Variants in HERPUD2 observed in about 807,000 individuals in gnomAD.
HERPUD2 encodes homocysteine-responsive endoplasmic reticulum-resident ubiquitin-like domain member 2 protein.
HERPUD2 carries 13 observed loss-of-function variants against 49.9 expected under a neutral mutation model. That is an observed-to-expected ratio of 0.26 (90% CI 0.17 to 0.41). The LOEUF (loss-of-function observed/expected upper bound fraction) is 0.41. Among genes scored for constraint, HERPUD2 ranks in the 10% least tolerant of loss-of-function variants. The pLI is 1.00. For missense variants in HERPUD2, 449 were observed against 492.2 expected, an observed-to-expected ratio of 0.91 and a Z score of 0.83; for synonymous variants, 172 against 171.4, an observed-to-expected ratio of 1.00 and a Z score of -0.03.
chr7:35,648,904 T>C (rs575611112), intron 5 of HERPUD2, among the ~76,000 whole-genome samples: 5 of 152,304 alleles, frequency 3.3e-5, no homozygotes, highest in Admixed American at 3.3e-4. Context: ...CATCAATATA[T>C]GTGTGAACAA....
At chr7:35,637,980 A>G (rs1024529766) in intron 6 of HERPUD2, among the ~76,000 whole-genome samples, 2 of 152,232 alleles carry the variant, frequency 1.3e-5, no homozygotes, top group African/African-American at 4.8e-5. Flanking sequence ...GAGTCAAGTA[A>G]GCATATTAGC....
chr7:35,671,730 A>G (rs1785648511), intron 3 of HERPUD2, among the ~76,000 whole-genome samples: 1 of 152,078 alleles, frequency 6.6e-6, no homozygotes, highest in African/African-American at 2.4e-5. Context: ...AAAATGTTTT[A>G]TATAGGGGCA....
intron 2 of HERPUD2, among the ~76,000 whole-genome samples, chr7:35,687,857 T>C (rs1786099172): frequency 6.6e-6 from 1 of 152,250 alleles, no homozygotes; most frequent in African/African-American, 2.4e-5. Context: ...ACCTAGTTAG[T>C]ATCAAATGAT....
In HERPUD2 at chr7:35,650,264, C is replaced by T. The variant is rs374941436; in HGVS notation, c.495-11792G>A. On this transcript the variant is annotated intron_variant, in intron 5 of 8. Transcript: ENST00000311350. ...GGCAAAGAAGGAGAGGGAAGCAAGG[C>T]AGCCTGCTGCACTGGATGGGCTGGG... 5.6e-4 allele frequency among the ~76,000 whole-genome samples: 86 copies of T among 152,222 alleles called. 3 individuals are homozygous for T. The South Asian group carries it at 0.017, about 31-fold the overall frequency.
chr7:35,682,337 G>T lies in HERPUD2; in HGVS notation c.148-9059C>A, dbSNP rs1260423341. On this transcript the variant is annotated intron_variant, in intron 2 of 8. Transcript: ENST00000311350. ...TATACACATACACACGTGTGTGTGT[G>T]TGTGTGTGTGTGTGTGTGTGTATAT... 1.8e-4 allele frequency among the ~76,000 whole-genome samples: 4 copies of T among 21,872 alleles called. No homozygotes were observed. The East Asian group carries it at 4.5e-3, about 24-fold the overall frequency. 14.3% of individuals were successfully genotyped at this position (21,872 alleles called of 152,430 possible).
chr7:35,647,084 G>A (rs890697593), intron 5 of HERPUD2, among the ~76,000 whole-genome samples: 2 of 152,108 alleles, frequency 1.3e-5, no homozygotes, highest in African/African-American at 4.8e-5. Context: ...CAGAGGAGAA[G>A]AGATTAAAGG....
At chr7:35,655,155 G>A (rs1562674363) in intron 5 of HERPUD2, among the ~76,000 whole-genome samples, 2 of 152,086 alleles carry the variant, frequency 1.3e-5, no homozygotes, top group Non-Finnish European at 2.9e-5. Flanking sequence ...GCCCAGCCTT[G>A]ACCAATCTTA....
intron 5 of HERPUD2, among the ~76,000 whole-genome samples, chr7:35,657,214 T>A (rs932645974): frequency 6.6e-6 from 1 of 152,046 alleles, no homozygotes; most frequent in Non-Finnish European, 1.5e-5. Context: ...CATGAATAGC[T>A]ATTTCTCAAG....
chr7:35,646,354 G>A (rs1356719795), intron 5 of HERPUD2, among the ~76,000 whole-genome samples: 1 of 152,002 alleles, frequency 6.6e-6, no homozygotes, highest in Non-Finnish European at 1.5e-5. Context: ...TTGAAGCCAG[G>A]AGTTTGAGAC....
At chr7:35,640,872 G>A (rs1784958445) in intron 5 of HERPUD2, among the ~76,000 whole-genome samples, 2 of 152,244 alleles carry the variant, frequency 1.3e-5, no homozygotes, top group South Asian at 4.1e-4. Context: ...TGGGGAAAAG[G>A]AGTTTAAAAG....
At chr7:35,660,604 T>C (rs140623793) in intron 5 of HERPUD2, among the ~76,000 whole-genome samples, 4,428 of 152,328 alleles carry the variant, frequency 0.029, 192 homozygotes, top group African/African-American at 0.098. Flanking sequence ...GTTGTGGTTT[T>C]GATTTGCATT....
chr7:35,686,106 T>A (rs2116037493), intron 2 of HERPUD2, among the ~76,000 whole-genome samples: 1 of 152,278 alleles, frequency 6.6e-6, no homozygotes, highest in South Asian at 2.1e-4. Flanking sequence ...AGCAGAGACT[T>A]TGAGATCTCA....
intron 5 of HERPUD2, among the ~76,000 whole-genome samples, chr7:35,663,727 CT>C (rs149710693): frequency 4.6e-5 from 7 of 151,804 alleles, no homozygotes; most frequent in Non-Finnish European, 7.4e-5. Flanking sequence ...CAATCCCTGC[CT>C]TTTTTTTGTT....
intron 5 of HERPUD2, among the ~76,000 whole-genome samples, chr7:35,651,635 A>G (rs1785170377): frequency 6.6e-6 from 1 of 152,212 alleles, no homozygotes; most frequent in Non-Finnish European, 1.5e-5. Flanking sequence ...CTGTTATACC[A>G]CATGCACAGA....
intron 4 of HERPUD2, among the ~76,000 whole-genome samples, chr7:35,667,906 A>T (rs375800622): frequency 2.0e-5 from 3 of 152,316 alleles, no homozygotes; most frequent in African/African-American, 7.2e-5. Flanking sequence ...TCACATGATT[A>T]AATTAATGCA....
chr7:35,672,201 G>GT (rs1785658469), intron 3 of HERPUD2, among the ~76,000 whole-genome samples: 1 of 151,320 alleles, frequency 6.6e-6, no homozygotes, highest in Non-Finnish European at 1.5e-5. Flanking sequence ...GTCAGAGAAT[G>GT]TAAGAGAAAT....
chr7:35,642,942 A>T (rs1030663409), intron 5 of HERPUD2, among the ~76,000 whole-genome samples: 1 of 152,204 alleles, frequency 6.6e-6, no homozygotes, highest in Non-Finnish European at 1.5e-5. Context: ...CTGACCGTGT[A>T]CCCGTGAACC....
chr7:35,648,716 G>A (rs1401135244), intron 5 of HERPUD2, among the ~76,000 whole-genome samples: 1 of 152,182 alleles, frequency 6.6e-6, no homozygotes, highest in African/African-American at 2.4e-5. Flanking sequence ...AAGAATGTGT[G>A]CCACGAAATT....
In HERPUD2 at chr7:35,681,175, T is replaced by A. The variant is rs116818807; in HGVS notation, c.148-7897A>T. On this transcript the variant is annotated intron_variant, in intron 2 of 8. Transcript: ENST00000311350. ...GCAATCATATATTAGTATTTTAGTA[T>A]TTTTTCTTTAAATTAATAGTCAACT... is the stretch of plus-strand genomic sequence containing the variant. Among the ~76,000 whole-genome samples the A allele has an allele frequency of 2.1e-3, 320 of 152,338 alleles. 2 individuals are homozygous for A. Among genetic ancestry groups the A allele is most frequent in the African/African-American group, 7.4e-3 (307 of 41,574 alleles).
Sources: allele counts gnomAD v4.1 joint callset (sites outside exome capture counted in the v4.1 genomes callset), GRCh38; gene constraint gnomAD v4.1.1; transcripts MANE v1.5; gene names NCBI Gene and HGNC (gene_info 2026-07-23, HGNC 2026-07-21).